PCSK5: variants seen among roughly 807,000 people sequenced by gnomAD.
PCSK5 encodes prohormone convertase 5.
PCSK5 carries 129 observed loss-of-function variants against 233.2 expected under a neutral mutation model. The observed-to-expected ratio is 0.55, with a 90% CI of 0.48 to 0.64. The LOEUF (loss-of-function observed/expected upper bound fraction) is 0.64. Ranked by LOEUF, PCSK5 falls within the 30% of genes least tolerant of loss-of-function variation. The pLI is 0.00. For synonymous variants in PCSK5, 825 were observed against 879.2 expected, an observed-to-expected ratio of 0.94 and a Z score of 1.09; for missense variants, 2,076 against 2,430.1, an observed-to-expected ratio of 0.85 and a Z score of 3.06.
In PCSK5 at chr9:76,238,866, G is replaced by C. The variant is rs193079809; in HGVS notation, c.2867-93G>C. On this transcript the variant is annotated intron_variant, in intron 22 of 37. Coordinates refer to ENST00000674117, the MANE Select transcript of PCSK5 (RefSeq NM_001372043.1). ...CACTAGGAAAAAAAAGCACTCAGTC[G>C]CATCTTTTTAAAATATAATATCTTA... The C allele has an allele frequency of 6.4e-4, 594 of 932,222 alleles. 1 individual carries two copies. Among genetic ancestry groups the C allele is most frequent in the Non-Finnish European group, 6.7e-4 (407 of 608,408 alleles). The allele number at this position is 932,222 out of a possible 1,614,324, so 57.7% of individuals were successfully genotyped here. A position where few individuals can be genotyped will look rare whatever the true frequency, so the allele number is the denominator to read the frequency against.
Position 76,240,673 on chromosome 9 carries a change from G to T in PCSK5, c.3131G>T (p.Gly1044Val), listed in dbSNP as rs987677719. The part of the protein sequence containing the change: ...ECVPCEEGCL[G>V]CSLDDPGTCT... ...GTCCCTTGTGAAGAAGGATGTCTGG[G>T]ATGCAGCTTGGGTATGTCCTCTTCC... is the stretch of plus-strand genomic sequence containing the variant. The change falls in exon 24 of 38, where the codon GGA becomes GTA. Residue 1044 changes from glycine to valine, a missense_variant. By Grantham distance (109) the Gly-to-Val change is moderately radical. Coordinates refer to ENST00000674117, the MANE Select transcript of PCSK5 (RefSeq NM_001372043.1). 6.3e-7 allele frequency: 1 copy of T among 1,580,574 alleles called. No homozygotes were observed. Among genetic ancestry groups the T allele is most frequent in the Admixed American group, 1.8e-5 (1 of 55,400 alleles).
At chr9:76,082,490 A>C (rs1830881545) in intron 7 of PCSK5, among the ~76,000 whole-genome samples, 1 of 152,174 alleles carries the variant, frequency 6.6e-6, no homozygotes, top group African/African-American at 2.4e-5. Flanking sequence ...GAGGGGTTAT[A>C]ATATTCCAGG....
intron 24 of PCSK5, among the ~76,000 whole-genome samples, chr9:76,284,279 C>G (rs1457064255): frequency 6.6e-6 from 1 of 152,120 alleles, no homozygotes; most frequent in Non-Finnish European, 1.5e-5. Flanking sequence ...CTCCCATAAT[C>G]CCCACATGTC....
At chr9:76,351,429 C>CG (rs1564196402) in intron 36 of PCSK5, among the ~76,000 whole-genome samples, 1 of 96,320 alleles carries the variant, frequency 1.0e-5, no homozygotes, top group African/African-American at 3.9e-5. Flanking sequence ...ACCGCCCCCC[C>CG]CTGCAATGTG....
chr9:75,948,701 G>T (rs1027454898), intron 2 of PCSK5, among the ~76,000 whole-genome samples: 4 of 152,202 alleles, frequency 2.6e-5, no homozygotes, highest in Middle Eastern at 3.4e-3. Context: ...GGGTCAAATG[G>T]TATTTCTAGT....
chr9:75,962,394 G>A (rs1035141948), intron 2 of PCSK5, among the ~76,000 whole-genome samples: 3 of 152,218 alleles, frequency 2.0e-5, no homozygotes, highest in African/African-American at 7.2e-5. Flanking sequence ...TGGGCCAGGG[G>A]CCAGGCAATC....
chr9:76,239,407 A>C (rs1826357632), intron 23 of PCSK5, among the ~76,000 whole-genome samples: 1 of 152,190 alleles, frequency 6.6e-6, no homozygotes, highest in African/African-American at 2.4e-5. Context: ...AAGTGTATAG[A>C]AAATTGGCCA....
intron 22 of PCSK5, among the ~76,000 whole-genome samples, chr9:76,237,946 A>G (rs985923186): frequency 6.6e-6 from 1 of 152,238 alleles, no homozygotes; most frequent in African/African-American, 2.4e-5. Flanking sequence ...ACATGGGGTT[A>G]GTGCTATCTT....
chr9:76,269,019 A>C (rs997713054), intron 24 of PCSK5, among the ~76,000 whole-genome samples: 1 of 152,192 alleles, frequency 6.6e-6, no homozygotes, highest in Non-Finnish European at 1.5e-5. Context: ...GGTGAAATTC[A>C]TATCTACAAG....
At chr9:76,295,508 C>G (rs1167344877) in intron 26 of PCSK5, 97 bp downstream of exon 26, 1 of 1,128,476 alleles carries the variant, frequency 8.9e-7, no homozygotes, top group Non-Finnish European at 1.3e-6. Context: ...GTTTCAGAGT[C>G]TGTGCGTGTG....
intron 24 of PCSK5, among the ~76,000 whole-genome samples, chr9:76,251,860 ACCCTGAATAGC>A (rs1233608958): frequency 7.9e-5 from 12 of 152,054 alleles, no homozygotes; most frequent in Admixed American, 2.6e-4. Context: ...TCAGGACTTG[ACCCTGAATAGC>A]CCCAGACCAA....
chr9:76,312,601 A>C (rs1828895257), intron 30 of PCSK5, among the ~76,000 whole-genome samples: 1 of 152,140 alleles, frequency 6.6e-6, no homozygotes, highest in Non-Finnish European at 1.5e-5. Context: ...TAGAGTATAA[A>C]TATAAGTTAT....
rs1830432750 is a variant in PCSK5, at chr9:76,361,590, T to C, written c.*2668T>C. 1 of 152,106 alleles carries C rather than the reference T, an allele frequency of 6.6e-6. No individual in the cohort carries two copies. Among genetic ancestry groups the C allele is most frequent in the African/African-American group, 2.4e-5 (1 of 41,384 alleles). The allele number at this position is 152,106 out of a possible 1,614,324, so 9.4% of individuals were successfully genotyped here. ...GGTGGCAAGTGTCTGTAGTCTCAGCTACTCAGGAGGCTAAGGTGGAAGGAT... is the reference window on the plus strand; with the variant it reads ...GGTGGCAAGTGTCTGTAGTCTCAGCCACTCAGGAGGCTAAGGTGGAAGGAT... On this transcript the variant is annotated 3_prime_UTR_variant, in exon 38 of 38. Coordinates refer to ENST00000674117, the MANE Select transcript of PCSK5 (RefSeq NM_001372043.1).
chr9:76,320,530 G>A (rs1442417250), intron 30 of PCSK5, among the ~76,000 whole-genome samples: 1 of 121,594 alleles, frequency 8.2e-6, no homozygotes, highest in Admixed American at 8.2e-5. Flanking sequence ...GTGCAGTGGA[G>A]TGGCACAATC....
Position 76,134,148 on chromosome 9 carries a change from C to T in PCSK5, c.1248C>T (p.Val416=). The part of the protein sequence containing the change: ...LTWRDVQHVI[V]RTSRAGHLNA... ...GGAGAGACGTACAGCATGTTATTGTCAGGACTTCCCGTGCGGGACATTTGA... is the reference window on the plus strand; with the variant it reads ...GGAGAGACGTACAGCATGTTATTGTTAGGACTTCCCGTGCGGGACATTTGA... The change falls in exon 10 of 38, where the codon GTC becomes GTT. Residue 416 remains valine, a synonymous_variant. Transcript: ENST00000674117. 6.2e-7 allele frequency: 1 copy of T among 1,609,774 alleles called. No homozygotes were observed. The highest frequency in any genetic ancestry group is 8.5e-7 in the Non-Finnish European group (1 of 1,177,940).
At chr9:76,154,921 C>G (rs954117566) in intron 10 of PCSK5, among the ~76,000 whole-genome samples, 1 of 152,130 alleles carries the variant, frequency 6.6e-6, no homozygotes, top group Admixed American at 6.5e-5. Flanking sequence ...TTAATTACCC[C>G]TCATGATGTT....
At chr9:75,995,781 A>T (rs12351971) in intron 3 of PCSK5, among the ~76,000 whole-genome samples, 3,860 of 145,442 alleles carry the variant, frequency 0.027, 176 homozygotes, top group African/African-American at 0.092. Flanking sequence ...ACACACACAC[A>T]CTCACACCTC....
rs73650440 is a variant in PCSK5, at chr9:76,119,161, A to C, written c.1208+11810A>C. Among the ~76,000 whole-genome samples the C allele has an allele frequency of 3.5e-3, 527 of 152,152 alleles. 4 individuals carry two copies. Among genetic ancestry groups the C allele is most frequent in the African/African-American group, 0.012 (485 of 41,564 alleles). ...AATTGAATTTCAAAAGTGTGTTTCA[A>C]AGTCACTCGAAAAGATAATCTTTGA... On this transcript the variant is annotated intron_variant, in intron 9 of 37. Coordinates refer to ENST00000674117, the MANE Select transcript of PCSK5 (RefSeq NM_001372043.1).
At chr9:76,086,544 A>G (rs189415581) in intron 7 of PCSK5, among the ~76,000 whole-genome samples, 232 of 152,368 alleles carry the variant, frequency 1.5e-3, no homozygotes, top group Middle Eastern at 3.4e-3. Context: ...TCGAGGGACT[A>G]TTAAAGCAGC....
Sources: allele counts gnomAD v4.1 joint callset (sites outside exome capture counted in the v4.1 genomes callset), GRCh38; gene constraint gnomAD v4.1.1; transcripts MANE v1.5; gene names NCBI Gene and HGNC (gene_info 2026-07-23, HGNC 2026-07-21).